Variants in MMP27 observed in about 807,000 individuals in gnomAD.
MMP27 encodes matrix metalloproteinase-27.
In MMP27, 51 loss-of-function variants were observed where a neutral mutation model predicts 48.1. The ratio of observed to expected loss-of-function variants is 1.06; its 90% CI spans 0.85 to 1.34. The LOEUF is 1.34. Among genes scored for constraint, MMP27 ranks in the 40% most tolerant of loss-of-function variants. The pLI is 0.00. For missense variants in MMP27, 698 were observed against 619.3 expected (o/e 1.13, Z -1.35); for synonymous variants, 229 against 208.9 (o/e 1.10, Z -0.83).
chr11:102,696,324 A>C (rs762092835), intron 6 of MMP27, 47 bp downstream of exon 6: 2 of 1,602,934 alleles, frequency 1.2e-6, no homozygotes, highest in South Asian at 2.2e-5. Context: ...TCTCTTGAAA[A>C]GAAAAATCTT....
chr11:102,692,913 C>G (rs1860751150), intron 9 of MMP27, 25 bp downstream of exon 9: 1 of 1,565,432 alleles, frequency 6.4e-7, no homozygotes, highest in African/African-American at 1.4e-5. Context: ...TCAAGTATCC[C>G]AATAAGTGAG....
At chr11:102,701,673 T>C (rs1003261955) in intron 4 of MMP27, among the ~76,000 whole-genome samples, 1 of 152,204 alleles carries the variant, frequency 6.6e-6, no homozygotes, top group African/African-American at 2.4e-5. Flanking sequence ...TGCTAAGTCA[T>C]GTGGCAATGG....
Position 102,702,974 on chromosome 11 carries a change from A to T in MMP27, c.486T>A (p.Thr162=), listed in dbSNP as rs111839086. Residue 162 remains threonine (T), a synonymous_variant, in exon 3 of 10, where the codon ACT becomes ACA. Transcript: ENST00000260229. ...GIADIMIAFR[T]RVHGRCPRYF... is the part of the protein sequence containing the mutation. ...GCTCTCTGTTGAAAACCTTACCTCG[A>T]GTCCTAAAGGCAATCATGATGTCTG... is the stretch of plus-strand genomic sequence containing the variant. The T allele has an allele frequency of 4.3e-6, 7 of 1,613,272 alleles. No homozygotes were observed. The Admixed American group carries it at 8.4e-5, about 19-fold the overall frequency.
intron 4 of MMP27, among the ~76,000 whole-genome samples, chr11:102,699,166 A>G (rs1207574116): frequency 2.0e-5 from 3 of 152,104 alleles, no homozygotes; most frequent in African/African-American, 7.2e-5. Context: ...GGCTCTAAGT[A>G]TAGAAGACCA....
At chr11:102,701,246 C>T (rs928490908) in intron 4 of MMP27, among the ~76,000 whole-genome samples, 2 of 152,092 alleles carry the variant, frequency 1.3e-5, no homozygotes, top group Admixed American at 6.5e-5. Context: ...CTGTATTTAT[C>T]TCTTGCCTTG....
At chr11:102,696,647 T>C (rs1242089955) in intron 5 of MMP27, 27 bp downstream of exon 5, 1 of 1,590,920 alleles carries the variant, frequency 6.3e-7, no homozygotes, top group Non-Finnish European at 8.5e-7. Flanking sequence ...TTAGTTCACA[T>C]ATATTGAGAT....
At position 102,693,906 on chromosome 11, in the gene MMP27, C is replaced by T. The variant is rs1316821783; in HGVS notation, c.1193G>A (p.Arg398Lys). The change falls in exon 8 of 10, where the codon AGG (arginine) becomes AAG (lysine). Residue 398 changes from arginine (R) to lysine (K), a missense_variant and splice_region_variant. By Grantham distance (26) the Arg-to-Lys change is conservative. Coordinates refer to ENST00000260229, the MANE Select transcript of MMP27 (RefSeq NM_022122.3). ...AAGTGTCAATTGTCTGTAAACTTACCTCCAGCACCAAATGCCCACAAAGAA... is the reference window on the plus strand; with the variant it reads ...AAGTGTCAATTGTCTGTAAACTTACTTCCAGCACCAAATGCCCACAAAGAA... ...TYFFVGIWCW[R>K]FDEMTQTMDK... 2 of 1,592,418 alleles carry T rather than the reference C, an allele frequency of 1.3e-6. No individual in the cohort carries two copies. Among genetic ancestry groups the T allele is most frequent in the Admixed American group, 1.8e-5 (1 of 56,670 alleles).
At chr11:102,704,461 G>A in intron 2 of MMP27, 76 bp downstream of exon 2, 1 of 1,138,828 alleles carries the variant, frequency 8.8e-7, no homozygotes, top group East Asian at 2.4e-5. Context: ...TCAATTGAAT[G>A]AATATTATTC....
chr11:102,698,075 C>CT (rs768753834), intron 4 of MMP27, among the ~76,000 whole-genome samples: 67 of 151,470 alleles, frequency 4.4e-4, no homozygotes, highest in Middle Eastern at 3.4e-3. Context: ...TTCTTTCTTT[C>CT]TTTTTTTTTG....
rs563310713 is a variant in MMP27 at position 102,694,037 on chromosome 11, A to G, written c.1062T>C (p.Tyr354=). The G allele has an allele frequency of 1.6e-5, 25 of 1,599,712 alleles. No homozygotes were observed. The highest frequency in any genetic ancestry group is 1.7e-4 in the Middle Eastern group (1 of 6,052). Residue 354 remains tyrosine, a synonymous_variant, in exon 8 of 10, where the codon TAT becomes TAC. Transcript: ENST00000260229. ...KDENFWMIRG[Y]AVLPDYPKSI... ...ATTTGGGATAATCTGGCAAGACAGC[A>G]TATCCTCTGATCATCCAGAAGTTTT...
chr11:102,700,639 G>A (rs759296604), intron 4 of MMP27, among the ~76,000 whole-genome samples: 4 of 152,228 alleles, frequency 2.6e-5, no homozygotes, highest in Non-Finnish European at 5.9e-5. Context: ...AGCCCTGAAA[G>A]GAACCAGTGT....
At chr11:102,699,855 G>A (rs1860905906) in intron 4 of MMP27, among the ~76,000 whole-genome samples, 1 of 152,184 alleles carries the variant, frequency 6.6e-6, no homozygotes, top group Admixed American at 6.5e-5. Context: ...TATTCCTTAT[G>A]TTGGATTGAG....
intron 1 of MMP27, 32 bp downstream of exon 1, chr11:102,705,581 A>T (rs755798614): frequency 7.7e-7 from 1 of 1,302,612 alleles, no homozygotes. Context: ...CTTTTTATCA[A>T]TAGTCATCGA....
chr11:102,696,395 C>G lies in MMP27; in HGVS notation c.878G>C (p.Arg293Thr), dbSNP rs1330299959. The G allele has an allele frequency of 1.9e-6, 3 of 1,613,630 alleles. No individual in the cohort carries two copies. The highest frequency in any genetic ancestry group is 2.5e-6 in the Non-Finnish European group (3 of 1,179,782). The change falls in exon 6 of 10, where the codon AGA becomes ACA. Residue 293 changes from arginine (R) to threonine (T), a missense_variant. Arg to Thr is a moderately conservative substitution (Grantham distance 71). Coordinates refer to ENST00000260229, the MANE Select transcript of MMP27 (RefSeq NM_022122.3). The stretch of plus-strand genomic sequence containing the variant: ...CCTGCCTTTAAAGAACATTACTTCT[C>G]TGCGGAAAGTTGTGATAGCGTCAAA... ...LTFDAITTFR[R>T]EVMFFKGRHL...
chr11:102,702,401 A>G (rs1860956005), intron 4 of MMP27, among the ~76,000 whole-genome samples: 1 of 152,212 alleles, frequency 6.6e-6, no homozygotes, highest in Admixed American at 6.5e-5. Flanking sequence ...TATGGCAGGT[A>G]TGTGGGCTGG....
At position 102,693,936 on chromosome 11, in the gene MMP27, GT is replaced by G. The variant is rs777678258; in HGVS notation, c.1162del (p.Thr388ProfsTer15). On this transcript the variant is annotated frameshift_variant, in exon 8 of 10. Transcript: ENST00000260229. LOFTEE classifies it high-confidence loss of function. ...GCACCAAATGCCCACAAAGAAGTAG[GT>G]TTTTCTTGTGGTCTTATCACAGACG... ...AAVCDKTTRK[T>X]YFFVGIWCWR... is the part of the protein sequence containing the mutation. 6.2e-7 allele frequency: 1 copy of G among 1,605,692 alleles called. No individual in the cohort carries two copies. The highest frequency in any genetic ancestry group is 1.7e-5 in the Admixed American group (1 of 58,702).
intron 2 of MMP27, among the ~76,000 whole-genome samples, chr11:102,703,481 G>T (rs1327046202): frequency 6.6e-6 from 1 of 151,888 alleles, no homozygotes; most frequent in Non-Finnish European, 1.5e-5. Context: ...TCATTTTTTT[G>T]AATGGCTTGT....
In MMP27 at chr11:102,704,531, C is replaced by T; in HGVS notation, c.341+6G>A. The T allele has an allele frequency of 6.3e-7, 1 of 1,593,302 alleles. No homozygotes were observed. The highest frequency in any genetic ancestry group is 8.6e-7 in the Non-Finnish European group (1 of 1,162,478). ...TTAGGCGGAAATAAGCTGGCAGAAGCATTACCTGTAGGTGAGGTTGTATTT... is the reference window on the plus strand; with the variant it reads ...TTAGGCGGAAATAAGCTGGCAGAAGTATTACCTGTAGGTGAGGTTGTATTT... On this transcript the variant is annotated splice_donor_region_variant and intron_variant, in intron 2 of 9. Coordinates refer to ENST00000260229, the MANE Select transcript of MMP27 (RefSeq NM_022122.3).
intron 4 of MMP27, among the ~76,000 whole-genome samples, chr11:102,701,007 C>T (rs111235335): frequency 7.2e-5 from 11 of 152,114 alleles, no homozygotes; most frequent in African/African-American, 2.7e-4. Context: ...GCTGAATTGC[C>T]TATTTTTTAA....
Sources: allele counts gnomAD v4.1 joint callset (sites outside exome capture counted in the v4.1 genomes callset), GRCh38; gene constraint gnomAD v4.1.1; transcripts MANE v1.5; gene names NCBI Gene and HGNC (gene_info 2026-07-23, HGNC 2026-07-21).